Variants in GRM7 observed in about 807,000 individuals in gnomAD.
GRM7 encodes metabotropic glutamate receptor 7.
GRM7 carries 35 observed loss-of-function variants against 84.5 expected under a neutral mutation model. The ratio of observed to expected loss-of-function variants is 0.41; its 90% CI spans 0.32 to 0.55. GRM7 has a LOEUF of 0.55. Among genes scored for constraint, GRM7 ranks in the 20% least tolerant of loss-of-function variants. The probability of loss-of-function intolerance (pLI) is 0.19; values close to 1 mark genes in which losing one functional copy is unlikely to be tolerated. For missense variants in GRM7, 1,003 were observed against 1,194.6 expected, an observed-to-expected ratio of 0.84 and a Z score of 2.36; for synonymous variants, 487 against 455.1, an observed-to-expected ratio of 1.07 and a Z score of -0.89.
At chr3:6,950,030 T>A (rs1354132980) in intron 1 of GRM7, among the ~76,000 whole-genome samples, 1 of 152,198 alleles carries the variant, frequency 6.6e-6, no homozygotes, top group African/African-American at 2.4e-5. Flanking sequence ...AGTAGTTTGA[T>A]CTTCTGAAGC....
chr3:6,941,418 G>A (rs1697889532), intron 1 of GRM7, among the ~76,000 whole-genome samples: 1 of 152,160 alleles, frequency 6.6e-6, no homozygotes, highest in Non-Finnish European at 1.5e-5. Context: ...AAAACAATCA[G>A]CAGGAAGGTA....
chr3:7,311,672 C>T (rs1700401104), intron 4 of GRM7, among the ~76,000 whole-genome samples: 1 of 151,292 alleles, frequency 6.6e-6, no homozygotes, highest in Non-Finnish European at 1.5e-5. Context: ...TGGCTTACTG[C>T]AACCTCTGCC....
chr3:7,442,645 A>G (rs924847484), intron 5 of GRM7, among the ~76,000 whole-genome samples: 4 of 152,146 alleles, frequency 2.6e-5, no homozygotes, highest in African/African-American at 9.6e-5. Context: ...TCCCCACAAC[A>G]TGCCTAGGTT....
chr3:7,573,148 G>A (rs895334293), intron 7 of GRM7, among the ~76,000 whole-genome samples: 2 of 151,476 alleles, frequency 1.3e-5, no homozygotes, highest in Admixed American at 6.6e-5. Context: ...AAAACCTGGC[G>A]CTTTCCTAGT....
chr3:7,321,242 A>G (rs1456239175), intron 4 of GRM7, among the ~76,000 whole-genome samples: 2 of 152,118 alleles, frequency 1.3e-5, no homozygotes, highest in African/African-American at 4.8e-5. Context: ...TATACAGTTC[A>G]TAAGGTTCTG....
chr3:6,902,526 A>C (rs1246176011), intron 1 of GRM7, among the ~76,000 whole-genome samples: 1 of 152,168 alleles, frequency 6.6e-6, no homozygotes, highest in Non-Finnish European at 1.5e-5. Flanking sequence ...ACTAAGAGTC[A>C]ACTTGCCCCA....
intron 5 of GRM7, among the ~76,000 whole-genome samples, chr3:7,430,596 C>G (rs1696787542): frequency 6.6e-6 from 1 of 152,320 alleles, no homozygotes; most frequent in East Asian, 1.9e-4. Context: ...TACAGCTCTA[C>G]TCCTAAGCAT....
intron 1 of GRM7, among the ~76,000 whole-genome samples, chr3:7,006,292 A>G (rs1695181869): frequency 6.6e-6 from 1 of 152,332 alleles, no homozygotes; most frequent in South Asian, 2.1e-4. Flanking sequence ...CTCAGTTGAT[A>G]TACTGAGCTT....
intron 7 of GRM7, among the ~76,000 whole-genome samples, chr3:7,529,026 G>T (rs546142243): frequency 2.6e-5 from 4 of 151,408 alleles, no homozygotes; most frequent in African/African-American, 9.7e-5. Context: ...TATCTATTAG[G>T]TCTAATTAGT....
At chr3:7,299,968 CAT>C (rs778636432) in intron 3 of GRM7, among the ~76,000 whole-genome samples, 41 of 151,414 alleles carry the variant, frequency 2.7e-4, no homozygotes, top group Non-Finnish European at 5.7e-4. Context: ...GTGATAAAAA[CAT>C]AACATGCAAA....
chr3:6,985,258 A>G (rs1694365867), intron 1 of GRM7, among the ~76,000 whole-genome samples: 1 of 152,162 alleles, frequency 6.6e-6, no homozygotes, highest in African/African-American at 2.4e-5. Flanking sequence ...TGTACAATTA[A>G]GTTATTGATT....
chr3:7,242,963 C>T (rs1001589106), intron 2 of GRM7, among the ~76,000 whole-genome samples: 1 of 151,296 alleles, frequency 6.6e-6, no homozygotes, highest in Non-Finnish European at 1.5e-5. Flanking sequence ...TAAAGGTAAC[C>T]TATTATAGCT....
chr3:7,284,063 A>T (rs1699343190), intron 2 of GRM7, among the ~76,000 whole-genome samples: 1 of 152,210 alleles, frequency 6.6e-6, no homozygotes, highest in African/African-American at 2.4e-5. Flanking sequence ...CAAGAATCTT[A>T]ATTTGTCTCA....
chr3:7,319,698 C>T (rs145571036), intron 4 of GRM7, among the ~76,000 whole-genome samples: 3 of 151,914 alleles, frequency 2.0e-5, no homozygotes, highest in Admixed American at 2.0e-4. Context: ...TACACAAAAG[C>T]CAACAGGTTC....
At chr3:7,085,536 C>T (rs932319302) in intron 1 of GRM7, among the ~76,000 whole-genome samples, 1 of 152,026 alleles carries the variant, frequency 6.6e-6, no homozygotes, top group African/African-American at 2.4e-5. Flanking sequence ...CTAGAGCTTC[C>T]ATATTGGCAA....
chr3:7,609,256 TC>T (rs1360952181), intron 8 of GRM7, among the ~76,000 whole-genome samples: 1 of 152,198 alleles, frequency 6.6e-6, no homozygotes, highest in African/African-American at 2.4e-5. Context: ...AATTCACTGT[TC>T]TTAGAAATGA....
At chr3:6,910,396 G>A (rs990242040) in intron 1 of GRM7, among the ~76,000 whole-genome samples, 4 of 152,106 alleles carry the variant, frequency 2.6e-5, no homozygotes, top group Admixed American at 2.6e-4. Flanking sequence ...TAGTCAATCA[G>A]GAACCCATGT....
Position 7,306,625 on chromosome 3 carries a change from A to T in GRM7, c.1006A>T (p.Ile336Phe). The T allele has an allele frequency of 6.2e-7, 1 of 1,610,044 alleles. No individual in the cohort carries two copies. The highest frequency in any genetic ancestry group is 8.5e-7 in the Non-Finnish European group (1 of 1,177,984). Reference sequence around the variant, plus strand: ...AGATATCGCAGAAGGGGCCATCACCATTCAGCCCAAGCGAGCCACGGTGGA... The same window carrying T: ...AGATATCGCAGAAGGGGCCATCACCTTTCAGCCCAAGCGAGCCACGGTGGA... ...HEDIAEGAITIQPKRATVEGF... is the reference protein window; with the variant it reads ...HEDIAEGAITFQPKRATVEGF... The change falls in exon 4 of 10, where the codon ATT becomes TTT. Residue 336 changes from isoleucine (I) to phenylalanine (F), a missense_variant. Around this residue, in one of 2 missense-constraint regions of GRM7, gnomAD observed 910 missense variants for 1,126.0 expected, o/e 0.81. Coordinates refer to ENST00000357716, the MANE Select transcript of GRM7 (RefSeq NM_000844.4).
At chr3:6,959,114 G>C (rs1322639271) in intron 1 of GRM7, among the ~76,000 whole-genome samples, 1 of 152,134 alleles carries the variant, frequency 6.6e-6, no homozygotes, top group African/African-American at 2.4e-5. Flanking sequence ...ATATGTGGCA[G>C]AATTAAGGCT....
Sources: allele counts gnomAD v4.1 joint callset (sites outside exome capture counted in the v4.1 genomes callset), GRCh38; gene constraint gnomAD v4.1.1; regional missense constraint gnomAD v4.1.1; transcripts MANE v1.5; gene names NCBI Gene and HGNC (gene_info 2026-07-23, HGNC 2026-07-21).